STMN2: variants seen among roughly 807,000 people sequenced by gnomAD.
STMN2 encodes the protein stathmin 2, also known as stathmin-2.
Under a neutral mutation model 24.1 loss-of-function variants are expected in STMN2, and 2 were observed. That is an observed-to-expected ratio of 0.08 (90% CI 0.03 to 0.26). The LOEUF is 0.26. Ranked by LOEUF, STMN2 falls within the 10% of genes least tolerant of loss-of-function variation. The pLI is 1.00. For synonymous variants in STMN2, 83 were observed against 77.5 expected, an observed-to-expected ratio of 1.07 and a Z score of -0.37; for missense variants, 114 against 213.6, an observed-to-expected ratio of 0.53 and a Z score of 2.91.
intron 1 of STMN2, chr8:79,613,698 A>G: frequency 1.0e-6 from 1 of 985,448 alleles, no homozygotes; most frequent in Non-Finnish European, 1.2e-6. Context: ...GTTAAGGATT[A>G]ACCCTTGTTG....
intron 1 of STMN2, among the ~76,000 whole-genome samples, chr8:79,630,257 G>A (rs957867925): frequency 2.6e-5 from 4 of 152,092 alleles, no homozygotes; most frequent in African/African-American, 9.7e-5. Context: ...CTAAAATAAA[G>A]TCATCTGAAT....
Position 79,665,080 on chromosome 8 carries a change from G to A in STMN2, c.*206G>A. On this transcript the variant is annotated 3_prime_UTR_variant, in exon 5 of 5. Coordinates refer to ENST00000220876, the MANE Select transcript of STMN2 (RefSeq NM_007029.4). ...TTGCTTGATGTTTAAAAAATACCTT[G>A]GATCTTATTTTGTAAATACTTACAT... 2.7e-6 allele frequency: 1 copy of A among 373,664 alleles called. No individual in the cohort carries two copies. The highest frequency in any genetic ancestry group is 4.7e-6 in the Non-Finnish European group (1 of 213,422). 23.1% of individuals were successfully genotyped at this position (373,664 alleles called of 1,614,324 possible).
intron 3 of STMN2, among the ~76,000 whole-genome samples, chr8:79,648,758 C>A (rs1212365437): frequency 6.6e-6 from 1 of 151,882 alleles, no homozygotes; most frequent in Admixed American, 6.6e-5. Context: ...CCACCATGCC[C>A]GGCCAATATT....
chr8:79,662,202 T>A (rs1444434288), intron 4 of STMN2, among the ~76,000 whole-genome samples: 1 of 152,154 alleles, frequency 6.6e-6, no homozygotes, highest in Non-Finnish European at 1.5e-5. Context: ...CATAGCTGCA[T>A]ACAATGCTAA....
At chr8:79,638,121 CTA>C (rs1247674471) in intron 2 of STMN2, among the ~76,000 whole-genome samples, 1 of 152,188 alleles carries the variant, frequency 6.6e-6, no homozygotes, top group Non-Finnish European at 1.5e-5. Flanking sequence ...AAGGATCCAG[CTA>C]TGTTTCTTAT....
rs572034589 is a variant in STMN2, at chr8:79,658,481, CA to C, written c.480+3420del. ...CAAAATTCAGCAATAAATAATATAG[CA>C]CCAACAATTAGAGAATAAGACAACA... is the stretch of plus-strand genomic sequence containing the variant. On this transcript the variant is annotated intron_variant, in intron 4 of 4. Transcript: ENST00000220876. Among the ~76,000 whole-genome samples the C allele has an allele frequency of 8.5e-5, 13 of 152,232 alleles. No homozygotes were observed. The Middle Eastern group carries it at 0.01, about 119-fold the overall frequency.
At chr8:79,641,921 C>G (rs2130360755) in intron 3 of STMN2, among the ~76,000 whole-genome samples, 1 of 152,264 alleles carries the variant, frequency 6.6e-6, no homozygotes. Context: ...AAACACAGCC[C>G]TGGCGAACTC....
At chr8:79,646,568 G>A (rs79861010) in intron 3 of STMN2, among the ~76,000 whole-genome samples, 3,745 of 152,126 alleles carry the variant, frequency 0.025, 163 homozygotes, top group African/African-American at 0.085. Flanking sequence ...AGCAGCAGGT[G>A]CGGAGGCCCT....
chr8:79,613,399 C>G, intron 1 of STMN2: 1 of 985,428 alleles, frequency 1.0e-6, no homozygotes, highest in Non-Finnish European at 1.2e-6. Context: ...GTTGGGCGCT[C>G]GCCCCCGCGG....
At chr8:79,618,580 G>A (rs975418397) in intron 1 of STMN2, among the ~76,000 whole-genome samples, 10 of 152,176 alleles carry the variant, frequency 6.6e-5, no homozygotes, top group Non-Finnish European at 1.2e-4. Flanking sequence ...AGGCAGGCAG[G>A]AGAGAACTGT....
rs1473642219 is a variant in STMN2, at chr8:79,665,852, T to C, written c.*978T>C. The C allele has an allele frequency of 6.6e-6, 1 of 152,386 alleles. No homozygotes were observed. Among genetic ancestry groups the C allele is most frequent in the Non-Finnish European group, 1.5e-5 (1 of 68,188 alleles). 9.4% of individuals were successfully genotyped at this position (152,386 alleles called of 1,614,324 possible). ...CACATACAAACAAAATCAAAAACAC[T>C]GCGGACTTTCACTCAAGCTGGTCTT... is the stretch of plus-strand genomic sequence containing the variant. On this transcript the variant is annotated 3_prime_UTR_variant, in exon 5 of 5. Coordinates refer to ENST00000220876, the MANE Select transcript of STMN2 (RefSeq NM_007029.4).
At chr8:79,642,382 G>T (rs1243812527) in intron 3 of STMN2, among the ~76,000 whole-genome samples, 1 of 152,120 alleles carries the variant, frequency 6.6e-6, no homozygotes, top group Admixed American at 6.5e-5. Context: ...GGTTATGGTA[G>T]TTAATCCCAT....
rs544084309 is a variant in STMN2, at chr8:79,652,085, C to G, written c.289-2786C>G. On this transcript the variant is annotated intron_variant, in intron 3 of 4. Coordinates refer to ENST00000220876, the MANE Select transcript of STMN2 (RefSeq NM_007029.4). ...TACCAGTTGCTAAGAAGAGCATTAC[C>G]TAACAGTGTATTAAGATAGAAAAAT... Among the ~76,000 whole-genome samples, 12 of 152,320 alleles carry G rather than the reference C, an allele frequency of 7.9e-5. No homozygotes were observed. In the South Asian group the frequency reaches 2.5e-3, roughly 32 times the overall value.
intron 1 of STMN2, among the ~76,000 whole-genome samples, chr8:79,622,745 T>G (rs1809546141): frequency 1.3e-5 from 2 of 152,190 alleles, no homozygotes; most frequent in South Asian, 4.1e-4. Context: ...CCAGGAAGTT[T>G]CATCATTCAG....
intron 2 of STMN2, 34 bp from the exon 3 acceptor site, chr8:79,641,344 G>A (rs1452559434): frequency 6.3e-7 from 1 of 1,599,182 alleles, no homozygotes; most frequent in Non-Finnish European, 8.5e-7. Flanking sequence ...TGCAAGCTTT[G>A]TATGCTTAAC....
intron 1 of STMN2, among the ~76,000 whole-genome samples, chr8:79,618,542 T>C (rs1809436560): frequency 6.6e-6 from 1 of 152,204 alleles, no homozygotes; most frequent in Non-Finnish European, 1.5e-5. Context: ...TATTTCAAGA[T>C]TCTCTTCATA....
At chr8:79,655,147 G>A (rs959139595) in intron 4 of STMN2, 85 bp downstream of exon 4, 26 of 1,504,530 alleles carry the variant, frequency 1.7e-5, no homozygotes, top group African/African-American at 1.1e-4. Context: ...GCACAGAGAC[G>A]AAGTCAAAAT....
At chr8:79,645,269 C>T (rs1249939121) in intron 3 of STMN2, among the ~76,000 whole-genome samples, 2 of 152,084 alleles carry the variant, frequency 1.3e-5, no homozygotes, top group Admixed American at 1.3e-4. Context: ...AAATATTCTT[C>T]ACCCAATATA....
intron 1 of STMN2, among the ~76,000 whole-genome samples, chr8:79,614,099 C>T (rs1395233883): frequency 1.3e-5 from 2 of 152,206 alleles, no homozygotes; most frequent in East Asian, 1.9e-4. Flanking sequence ...ATACATGGAT[C>T]GTGAAATGGT....
Sources: allele counts gnomAD v4.1 joint callset (sites outside exome capture counted in the v4.1 genomes callset), GRCh38; gene constraint gnomAD v4.1.1; transcripts MANE v1.5; gene names NCBI Gene and HGNC (gene_info 2026-07-23, HGNC 2026-07-21).